The following RET variants were observed in gnomAD, a reference collection of about 807,000 sequenced individuals.
RET encodes the protein ret proto-oncogene, also known as proto-oncogene tyrosine-protein kinase receptor Ret.
RET carries 19 observed loss-of-function variants against 118.3 expected under a neutral mutation model. That is an observed-to-expected ratio of 0.16 (90% CI 0.11 to 0.24). RET has a LOEUF of 0.24. Among genes scored for constraint, RET ranks in the 10% least tolerant of loss-of-function variants. RET has a pLI of 1.00. For missense variants in RET, 1,219 were observed against 1,502.1 expected (o/e 0.81, Z 3.12); for synonymous variants, 597 against 644.1 (o/e 0.93, Z 1.11).
chr10:43,094,878 A>G (rs904382552), intron 1 of RET, among the ~76,000 whole-genome samples: 5 of 152,206 alleles, frequency 3.3e-5, no homozygotes, highest in Admixed American at 3.3e-4. Context: ...GTGTAATGGT[A>G]TGCGTCTGAG....
chr10:43,089,919 C>G (rs935732268), intron 1 of RET, among the ~76,000 whole-genome samples: 2 of 152,190 alleles, frequency 1.3e-5, no homozygotes, highest in Non-Finnish European at 2.9e-5. Flanking sequence ...GGGCAGAGAT[C>G]GGGGCTGGGA....
chr10:43,095,784 G>T (rs1837510613), intron 1 of RET, among the ~76,000 whole-genome samples: 1 of 152,194 alleles, frequency 6.6e-6, no homozygotes, highest in Admixed American at 6.5e-5. Flanking sequence ...AGGCCTTGAA[G>T]GTTTCTGAGG....
In RET at chr10:43,114,707, C is replaced by G. The variant is rs2132854777; in HGVS notation, c.2107C>G (p.Gln703Glu). The change falls in exon 11 of 20, where the codon CAG (glutamine) becomes GAG (glutamate). Residue 703 changes from glutamine to glutamate, a missense_variant. By Grantham distance (29) the Gln-to-Glu change is conservative. Transcript: ENST00000355710. The surrounding 1 kb of genome is among the most constrained non-coding windows in gnomAD (Gnocchi z 4.6). The stretch of plus-strand genomic sequence containing the variant: ...GCCCTCGCTGGACTCCATGGAGAAC[C>G]AGGTCTCCGTGGATGCCTTCAAGAT... ...RRPSLDSMEN[Q>E]VSVDAFKILE... 2 of 1,611,838 alleles carry G rather than the reference C, an allele frequency of 1.2e-6. No homozygotes were observed. The highest frequency in any genetic ancestry group is 1.7e-6 in the Non-Finnish European group (2 of 1,179,892).
chr10:43,100,050 C>T (rs1837603191), intron 1 of RET, among the ~76,000 whole-genome samples: 1 of 152,142 alleles, frequency 6.6e-6, no homozygotes, highest in Admixed American at 6.5e-5. Flanking sequence ...ATATGGTAGG[C>T]GTATGTTTAG....
chr10:43,095,250 G>C (rs1837497823), intron 1 of RET, among the ~76,000 whole-genome samples: 2 of 152,196 alleles, frequency 1.3e-5, no homozygotes, highest in South Asian at 4.1e-4. Flanking sequence ...TCAGTGCCGA[G>C]GGATTGCATG....
At chr10:43,097,931 T>G (rs927315101) in intron 1 of RET, among the ~76,000 whole-genome samples, 2 of 152,164 alleles carry the variant, frequency 1.3e-5, no homozygotes, top group African/African-American at 4.8e-5. Context: ...GAGAGATCGA[T>G]TACATACAAG....
intron 10 of RET, 59 bp downstream of exon 10, chr10:43,113,734 C>T (rs979955902): frequency 1.9e-6 from 3 of 1,604,774 alleles, no homozygotes; most frequent in African/African-American, 2.7e-5. Flanking sequence ...GTCTCAACAG[C>T]ACATCTGAGG....
Position 43,106,621 on chromosome 10 carries a change from G to A in RET, c.1063+50G>A. On this transcript the variant is annotated intron_variant, in intron 5 of 19. Transcript: ENST00000355710. This position sits in a 1 kb window ranked among gnomAD's most constrained non-coding sequence, Gnocchi z 5.1. ...TGGCTAGGCCCCCAGGAAATGAGGTGCTCGCTCTTCATGGGCAAGCAGCAC... is the reference window on the plus strand; with the variant it reads ...TGGCTAGGCCCCCAGGAAATGAGGTACTCGCTCTTCATGGGCAAGCAGCAC... 6.3e-7 allele frequency: 1 copy of A among 1,583,048 alleles called. No homozygotes were observed. Among genetic ancestry groups the A allele is most frequent in the Non-Finnish European group, 8.6e-7 (1 of 1,159,358 alleles).
At chr10:43,117,307 C>T (rs568534011) in intron 12 of RET, among the ~76,000 whole-genome samples, 5 of 152,342 alleles carry the variant, frequency 3.3e-5, no homozygotes, top group Admixed American at 1.3e-4. Flanking sequence ...CTGCAGTAGT[C>T]GGGGGCTGCA....
At position 43,102,548 on chromosome 10, in the gene RET, C is replaced by A. The variant is rs775086466; in HGVS notation, c.544C>A (p.Pro182Thr). Residue 182 changes from proline (P) to threonine (T), a missense_variant, in exon 3 of 20, where the codon CCA becomes ACA. Around this residue, in one of 5 missense-constraint regions of RET, gnomAD observed 850 missense variants for 969.6 expected, o/e 0.88. Transcript: ENST00000355710. ...PSFRIRENRP[P>T]GTFHQFRLLP... The stretch of plus-strand genomic sequence containing the variant: ...CTTCCGCATTCGGGAGAACCGACCC[C>A]CAGGCACCTTCCACCAGTTCCGCCT... The A allele has an allele frequency of 1.2e-6, 2 of 1,614,104 alleles. No homozygotes were observed. Among genetic ancestry groups the A allele is most frequent in the Admixed American group, 3.3e-5 (2 of 60,010 alleles).
rs1448253631 is a variant in RET, at chr10:43,112,867, T to A, written c.1663T>A (p.Phe555Ile). ...QGDGKGITRN[F>I]STCSPSTKTC... is the part of the protein sequence containing the mutation. ...GTCCTGTGCAGGGATCACCAGGAAC[T>A]TCTCCACCTGCTCTCCCAGCACCAA... Residue 555 changes from phenylalanine (F) to isoleucine (I), a missense_variant, in exon 9 of 20, where the codon TTC becomes ATC. This residue lies in a region of RET where 850 missense variants were observed against 969.6 expected (regional missense o/e 0.88). Coordinates refer to ENST00000355710, the MANE Select transcript of RET (RefSeq NM_020975.6). 1 of 1,614,004 alleles carries A rather than the reference T, an allele frequency of 6.2e-7. No homozygotes were observed. The highest frequency in any genetic ancestry group is 8.5e-7 in the Non-Finnish European group (1 of 1,179,950).
Position 43,109,026 on chromosome 10 carries a change from T to G in RET, c.1064-5T>G, listed in dbSNP as rs772956976. 1.9e-6 allele frequency: 3 copies of G among 1,611,938 alleles called. No homozygotes were observed. Among genetic ancestry groups the G allele is most frequent in the Non-Finnish European group, 2.5e-6 (3 of 1,179,970 alleles). Reference sequence around the variant, plus strand: ...TGGTGGTCATTGTTGTGCCCCTACCTGCAGGGCTGGTTCTCAACCGGAACC... The same window carrying G: ...TGGTGGTCATTGTTGTGCCCCTACCGGCAGGGCTGGTTCTCAACCGGAACC... On this transcript the variant is annotated splice_polypyrimidine_tract_variant and splice_region_variant and intron_variant, in intron 5 of 19. Transcript: ENST00000355710.
Position 43,114,563 on chromosome 10 carries a change from T to C in RET, c.1963T>C (p.Phe655Leu), listed in dbSNP as rs756978792. ...CATCGTCTCGGTGCTGCTGTCTGCC[T>C]TCTGCATCCACTGCTACCACAAGTT... ...SFIVSVLLSA[F>L]CIHCYHKFAH... Residue 655 changes from phenylalanine (F) to leucine (L), a missense_variant, in exon 11 of 20, where the codon TTC becomes CTC. Physicochemically the swap from Phe to Leu is conservative, Grantham distance 22. Coordinates refer to ENST00000355710, the MANE Select transcript of RET (RefSeq NM_020975.6). The surrounding 1 kb of genome is among the most constrained non-coding windows in gnomAD (Gnocchi z 4.6). 6 of 1,611,984 alleles carry C rather than the reference T, an allele frequency of 3.7e-6. No homozygotes were observed. In the Admixed American group the frequency reaches 1.0e-4, roughly 27 times the overall value.
At position 43,106,877 on chromosome 10, in the gene RET, C is replaced by T. The variant is rs755980387; in HGVS notation, c.1063+306C>T. 6.6e-6 allele frequency among the ~76,000 whole-genome samples: 1 copy of T among 152,242 alleles called. No individual in the cohort carries two copies. Among genetic ancestry groups the T allele is most frequent in the Non-Finnish European group, 1.5e-5 (1 of 68,044 alleles). On this transcript the variant is annotated intron_variant, in intron 5 of 19. Transcript: ENST00000355710. This position sits in a 1 kb window ranked among gnomAD's most constrained non-coding sequence, Gnocchi z 5.1. ...CCACCGACTGCAAACACACATGTCA[C>T]CTGAGGCTTTCCTCCAGCCCCTGGC...
intron 15 of RET, among the ~76,000 whole-genome samples, chr10:43,120,929 AAAAAGAAG>A (rs942498282): frequency 7.2e-5 from 4 of 55,458 alleles, no homozygotes; most frequent in African/African-American, 4.8e-4. Context: ...ACCCTGCTCA[AAAAAGAAG>A]AAGAAGAAAA....
Position 43,083,720 on chromosome 10 carries a change from G to A in RET, c.73+6389G>A, listed in dbSNP as rs544569691. Among the ~76,000 whole-genome samples the A allele has an allele frequency of 1.6e-4, 24 of 152,340 alleles. No homozygotes were observed. The East Asian group carries it at 3.9e-3, about 24-fold the overall frequency. ...GGTCCACATAGCAGGGGCTCCTGGC[G>A]GGCCCAGCAGCTGAGGGGGACAGAG... On this transcript the variant is annotated intron_variant, in intron 1 of 19. Coordinates refer to ENST00000355710, the MANE Select transcript of RET (RefSeq NM_020975.6).
intron 13 of RET, 45 bp from the exon 14 acceptor site, chr10:43,119,486 A>G (rs1440077201): frequency 7.8e-6 from 12 of 1,537,926 alleles, no homozygotes; most frequent in Non-Finnish European, 9.6e-6. Flanking sequence ...GGAAGACCCA[A>G]GCTGCCTGAC....
intron 3 of RET, among the ~76,000 whole-genome samples, chr10:43,104,164 G>A (rs994425590): frequency 2.0e-4 from 31 of 152,234 alleles, no homozygotes; most frequent in Admixed American, 1.1e-3. Context: ...CTAGGCGGTC[G>A]GAAATCATTA....
At chr10:43,105,215 G>A in intron 4 of RET, 22 bp downstream of exon 4, 1 of 1,612,376 alleles carries the variant, frequency 6.2e-7, no homozygotes, top group South Asian at 1.1e-5. Flanking sequence ...CGCGTGCTGT[G>A]GTCTACCCAG....
Sources: gnomAD v4.1 joint callset for allele counts (sites outside exome capture counted in the v4.1 genomes callset) on GRCh38, gnomAD v4.1.1 for gene constraint, gnomAD v4.1.1 regional missense constraint, Gnocchi (gnomAD v3.1) non-coding constraint, MANE v1.5 for transcripts, NCBI Gene and HGNC (gene_info 2026-07-23, HGNC 2026-07-21) for gene names.